Variants in CMTM4 observed in about 807,000 individuals in gnomAD.
The protein encoded by CMTM4 is CKLF like MARVEL transmembrane domain containing 4.
CMTM4 carries 8 observed loss-of-function variants against 19.0 expected under a neutral mutation model. The ratio of observed to expected loss-of-function variants is 0.42; its 90% CI spans 0.25 to 0.76. The LOEUF is 0.76. CMTM4 is among the 30% of genes least tolerant of loss of function. The probability of loss-of-function intolerance (pLI) is 0.27; values close to 1 mark genes in which losing one functional copy is unlikely to be tolerated. For missense variants in CMTM4, 228 were observed against 290.2 expected, an observed-to-expected ratio of 0.79 and a Z score of 1.56; for synonymous variants, 106 against 121.1, an observed-to-expected ratio of 0.88 and a Z score of 0.82.
At chr16:66,647,323 C>CA (rs58483961) in intron 1 of CMTM4, among the ~76,000 whole-genome samples, 1,289 of 61,762 alleles carry the variant, frequency 0.021, 16 homozygotes, top group Middle Eastern at 0.038. Flanking sequence ...GACTCTGTCT[C>CA]AAAAAAAAAA....
chr16:66,682,064 C>T (rs2144905374), intron 1 of CMTM4, among the ~76,000 whole-genome samples: 2 of 152,304 alleles, frequency 1.3e-5, no homozygotes, highest in South Asian at 4.1e-4. Context: ...GTACTTTTGT[C>T]TGCCCCACTC....
In CMTM4 at chr16:66,621,184, T is replaced by G; in HGVS notation, c.*874A>C. 1.0e-6 allele frequency: 1 copy of G among 985,388 alleles called. No individual in the cohort carries two copies. Among genetic ancestry groups the G allele is most frequent in the Non-Finnish European group, 1.2e-6 (1 of 829,928 alleles). The allele number at this position is 985,388 out of a possible 1,614,324, so 61.0% of individuals were successfully genotyped here. A position where few individuals can be genotyped will look rare whatever the true frequency, so the allele number is the denominator to read the frequency against. ...TGTGTGCGCGCACGCGTGTGCATGCTGTTTTTTAACACAAACACCTCCCAC... is the reference window on the plus strand; with the variant it reads ...TGTGTGCGCGCACGCGTGTGCATGCGGTTTTTTAACACAAACACCTCCCAC... On this transcript the variant is annotated 3_prime_UTR_variant, in exon 4 of 4. Transcript: ENST00000394106.
intron 2 of CMTM4, among the ~76,000 whole-genome samples, chr16:66,631,791 T>C (rs1180366186): frequency 2.0e-5 from 3 of 152,172 alleles, no homozygotes; most frequent in African/African-American, 7.2e-5. Context: ...ACACAAACAC[T>C]GCGGAAGGCC....
Position 66,677,391 on chromosome 16 carries a change from G to A in CMTM4, c.186+18949C>T, listed in dbSNP as rs576572518. Reference sequence around the variant, plus strand: ...TGGGGCATCTGTAGGCTGGGCAAACGGCAGCAGCGGCCTTGCAGCAGCAGC... The same window carrying A: ...TGGGGCATCTGTAGGCTGGGCAAACAGCAGCAGCGGCCTTGCAGCAGCAGC... On this transcript the variant is annotated intron_variant, in intron 1 of 3. Transcript: ENST00000394106. 1.2e-4 allele frequency among the ~76,000 whole-genome samples: 18 copies of A among 152,358 alleles called. 1 individual carries two copies. In the South Asian group the frequency reaches 2.7e-3, roughly 23 times the overall value.
intron 2 of CMTM4, among the ~76,000 whole-genome samples, chr16:66,636,168 A>G (rs1259271082): frequency 6.6e-6 from 1 of 152,214 alleles, no homozygotes; most frequent in Non-Finnish European, 1.5e-5. Context: ...TTGAAATGAC[A>G]TCTTTAAGGT....
chr16:66,627,353 T>C (rs997690930), intron 2 of CMTM4, among the ~76,000 whole-genome samples: 7 of 152,236 alleles, frequency 4.6e-5, no homozygotes, highest in African/African-American at 1.7e-4. Context: ...CAAAAGACTG[T>C]CTAGAGAGAA....
At chr16:66,633,110 TATATATAA>T (rs2015912100) in intron 2 of CMTM4, among the ~76,000 whole-genome samples, 20 of 76,552 alleles carry the variant, frequency 2.6e-4, no homozygotes, top group Middle Eastern at 9.1e-3. Context: ...TAAATATATA[TATATATAA>T]ATATATATAT....
intron 1 of CMTM4, among the ~76,000 whole-genome samples, chr16:66,660,622 C>T (rs2016483949): frequency 6.6e-6 from 1 of 152,174 alleles, no homozygotes; most frequent in Admixed American, 6.5e-5. Flanking sequence ...GAGTAAGATA[C>T]TAGGACATGT....
intron 1 of CMTM4, among the ~76,000 whole-genome samples, chr16:66,693,074 A>C (rs1278596452): frequency 6.8e-6 from 1 of 146,076 alleles, no homozygotes; most frequent in Non-Finnish European, 1.5e-5. Context: ...AAATACAAAA[A>C]TTAGCCAGGC....
chr16:66,693,224 CAAA>C (rs2017169627), intron 1 of CMTM4, among the ~76,000 whole-genome samples: 1 of 150,198 alleles, frequency 6.7e-6, no homozygotes, highest in Admixed American at 6.6e-5. Flanking sequence ...AAGTCTAACA[CAAA>C]GAAAAAAAAA....
intron 2 of CMTM4, among the ~76,000 whole-genome samples, chr16:66,631,872 T>C (rs1319274134): frequency 6.6e-6 from 1 of 152,034 alleles, no homozygotes; most frequent in Admixed American, 6.5e-5. Context: ...CCCTCCACTA[T>C]TGTCCTATGA....
At chr16:66,654,913 T>C (rs1245833520) in intron 1 of CMTM4, among the ~76,000 whole-genome samples, 3 of 152,170 alleles carry the variant, frequency 2.0e-5, no homozygotes, top group Admixed American at 6.5e-5. Context: ...CCCTCAGATA[T>C]ATTTCCTGTC....
intron 1 of CMTM4, among the ~76,000 whole-genome samples, chr16:66,679,074 G>A (rs2016860066): frequency 6.6e-6 from 1 of 151,444 alleles, no homozygotes; most frequent in Non-Finnish European, 1.5e-5. Context: ...GCTCCAGCCT[G>A]GGTGACAGAG....
chr16:66,677,172 G>A (rs1286601373), intron 1 of CMTM4, among the ~76,000 whole-genome samples: 1 of 152,196 alleles, frequency 6.6e-6, no homozygotes, highest in African/African-American at 2.4e-5. Flanking sequence ...GGAAGGTTGA[G>A]GCTGCAGTGA....
chr16:66,636,623 G>A, intron 1 of CMTM4, 42 bp from the exon 2 acceptor site: 1 of 1,512,002 alleles, frequency 6.6e-7, no homozygotes, highest in Non-Finnish European at 9.2e-7. Flanking sequence ...TATATGTTTA[G>A]TATACATCTG....
At chr16:66,647,310 C>T (rs1184885383) in intron 1 of CMTM4, among the ~76,000 whole-genome samples, 4 of 132,298 alleles carry the variant, frequency 3.0e-5, no homozygotes, top group Non-Finnish European at 4.6e-5. Flanking sequence ...GGCAACAGTG[C>T]GAGACTCTGT....
chr16:66,657,320 AC>A (rs1288846400), intron 1 of CMTM4, among the ~76,000 whole-genome samples: 1 of 151,990 alleles, frequency 6.6e-6, no homozygotes, highest in African/African-American at 2.4e-5. Flanking sequence ...CAGGCTCCGG[AC>A]CTCAGGTGAT....
intron 2 of CMTM4, among the ~76,000 whole-genome samples, chr16:66,629,521 T>C (rs1044170259): frequency 1.3e-5 from 2 of 152,228 alleles, no homozygotes; most frequent in East Asian, 3.8e-4. Context: ...TGTGCTATAA[T>C]GAAAAATATT....
the CMTM4 span, chr16:66,604,857 TC>T: frequency 7.2e-7 from 1 of 1,384,518 alleles, no homozygotes; most frequent in Non-Finnish European, 9.3e-7. Context: ...TGCCGGCGGC[TC>T]CCGTCCCGGC....
Sources: gnomAD v4.1 joint callset for allele counts (sites outside exome capture counted in the v4.1 genomes callset) on GRCh38, gnomAD v4.1.1 for gene constraint, MANE v1.5 for transcripts, NCBI Gene and HGNC (gene_info 2026-07-23, HGNC 2026-07-21) for gene names.